Variants in ZNF410 observed in about 807,000 individuals in gnomAD.
ZNF410 encodes the protein another partner for ARF 1.
Under a neutral mutation model 54.8 loss-of-function variants are expected in ZNF410, and 18 were observed. The ratio of observed to expected loss-of-function variants is 0.33; its 90% CI spans 0.23 to 0.49. ZNF410 has a LOEUF of 0.49. ZNF410 is among the 20% of genes least tolerant of loss of function. The pLI, the probability that ZNF410 is intolerant of heterozygous loss-of-function variation, is 0.99. For missense variants in ZNF410, 405 were observed against 569.6 expected (o/e 0.71, Z 2.94); for synonymous variants, 191 against 207.3 (o/e 0.92, Z 0.68).
At chr14:73,910,493 C>G (rs1302837574) in intron 8 of ZNF410, among the ~76,000 whole-genome samples, 5 of 152,150 alleles carry the variant, frequency 3.3e-5, no homozygotes, top group Middle Eastern at 6.8e-3. Context: ...CCTGTAATCC[C>G]AACACTTTGG....
intron 2 of ZNF410, 112 bp from the exon 3 acceptor site, chr14:73,893,685 T>G: frequency 8.1e-7 from 1 of 1,232,060 alleles, no homozygotes; most frequent in South Asian, 2.1e-5. Context: ...AGTTTTTGTT[T>G]GAATATGGAT....
chr14:73,905,936 CAT>C (rs72062103), intron 7 of ZNF410, among the ~76,000 whole-genome samples: 14,994 of 131,332 alleles, frequency 0.11, 1,077 homozygotes, highest in Admixed American at 0.2. Flanking sequence ...CACATACATA[CAT>C]ATATATACAC....
chr14:73,916,609 A>C (rs949871290), intron 8 of ZNF410: 1 of 152,152 alleles, frequency 6.6e-6, no homozygotes, highest in African/African-American at 2.4e-5. Flanking sequence ...GGAATCAGCT[A>C]TTCCTCCATG....
chr14:73,907,951 A>G (rs1277272374), intron 7 of ZNF410, among the ~76,000 whole-genome samples: 3 of 152,224 alleles, frequency 2.0e-5, no homozygotes, highest in Non-Finnish European at 4.4e-5. Context: ...AGGGCTTACT[A>G]TGTGCCAGGC....
chr14:73,907,011 AAGTT>A (rs1156236316), intron 7 of ZNF410, among the ~76,000 whole-genome samples: 7 of 152,116 alleles, frequency 4.6e-5, no homozygotes, highest in African/African-American at 1.4e-4. Context: ...ATAATAATAA[AAGTT>A]AGCATTTGTT....
chr14:73,888,441 A>G (rs1224435084), intron 1 of ZNF410: 1 of 152,172 alleles, frequency 6.6e-6, no homozygotes, highest in Non-Finnish European at 1.5e-5. Context: ...GGAAGCTTGT[A>G]TGGAAGCCCT....
chr14:73,904,953 T>C lies in ZNF410; in HGVS notation c.783T>C (p.Tyr261=). ...CAGAAGGTTGTGGGAAAAGCTTCTATGTGCTGCAGAGGCTGAAGGTGCACA... is the reference window on the plus strand; with the variant it reads ...CAGAAGGTTGTGGGAAAAGCTTCTACGTGCTGCAGAGGCTGAAGGTGCACA... ...CPAEGCGKSF[Y]VLQRLKVHMR... The change falls in exon 7 of 12, where the codon TAT becomes TAC. Residue 261 remains tyrosine, a synonymous_variant. Transcript: ENST00000555044. The C allele has an allele frequency of 6.2e-7, 1 of 1,614,218 alleles. No individual in the cohort carries two copies. Among genetic ancestry groups the C allele is most frequent in the Non-Finnish European group, 8.5e-7 (1 of 1,180,032 alleles).
At chr14:73,930,638 C>T (rs1000820479) in intron 11 of ZNF410, among the ~76,000 whole-genome samples, 10 of 151,956 alleles carry the variant, frequency 6.6e-5, no homozygotes, top group Non-Finnish European at 1.2e-4. Context: ...CAGTCTGTCA[C>T]TCAGGCTGGA....
chr14:73,892,467 T>TA (rs2055246220), intron 2 of ZNF410, among the ~76,000 whole-genome samples: 1 of 151,258 alleles, frequency 6.6e-6, no homozygotes, highest in African/African-American at 2.4e-5. Context: ...TAAATAAAAA[T>TA]ATATGTTTAT....
chr14:73,927,085 T>C lies in ZNF410; in HGVS notation c.1398+3563T>C, dbSNP rs541502532. On this transcript the variant is annotated intron_variant, in intron 11 of 11. Transcript: ENST00000555044. ...ATTCTCTTGTTCCCTCTGTGTTTAT[T>C]ATGATTTTTTTTTTTTTTGAGGTGG... 8.7e-5 allele frequency: 13 copies of C among 149,516 alleles called. No individual in the cohort carries two copies. In the South Asian group the frequency reaches 1.5e-3, roughly 17 times the overall value. The allele number at this position is 149,516 out of a possible 1,614,324, so 9.3% of individuals were successfully genotyped here.
At chr14:73,891,270 T>G (rs956395393) in intron 1 of ZNF410, among the ~76,000 whole-genome samples, 2 of 152,234 alleles carry the variant, frequency 1.3e-5, no homozygotes, top group Admixed American at 6.5e-5. Context: ...CTAGTTTTAA[T>G]AATAGCAAGT....
intron 1 of ZNF410, among the ~76,000 whole-genome samples, chr14:73,889,865 C>T (rs368107551): frequency 2.0e-5 from 3 of 149,288 alleles, no homozygotes; most frequent in Non-Finnish European, 3.0e-5. Flanking sequence ...GGAGCGATCT[C>T]GGCTCACTGC....
intron 1 of ZNF410, among the ~76,000 whole-genome samples, chr14:73,890,899 A>G (rs2055219119): frequency 6.6e-6 from 1 of 151,812 alleles, no homozygotes; most frequent in Non-Finnish European, 1.5e-5. Flanking sequence ...AATCCCAGCT[A>G]CTCCAGGAGT....
chr14:73,904,872 A>G (rs543908506), intron 6 of ZNF410, 30 bp from the exon 7 acceptor site: 4 of 1,608,034 alleles, frequency 2.5e-6, no homozygotes, highest in Non-Finnish European at 3.4e-6. Context: ...GTGTTTTCAG[A>G]TATTTTTCCT....
chr14:73,899,178 C>T (rs1287364668), intron 5 of ZNF410, among the ~76,000 whole-genome samples: 1 of 151,484 alleles, frequency 6.6e-6, no homozygotes, highest in Non-Finnish European at 1.5e-5. Context: ...TTTTTGATTA[C>T]CATTCAAATG....
intron 8 of ZNF410, 62 bp downstream of exon 8, chr14:73,909,492 TG>T (rs2055543223): frequency 7.2e-7 from 1 of 1,392,808 alleles, no homozygotes; most frequent in Non-Finnish European, 1.0e-6. Flanking sequence ...AAAAGGGTTG[TG>T]GGGGTGATAT....
At chr14:73,910,753 CAAAAAA>C (rs755623044) in intron 8 of ZNF410, among the ~76,000 whole-genome samples, 1 of 70,838 alleles carries the variant, frequency 1.4e-5, no homozygotes, top group Non-Finnish European at 2.7e-5. Flanking sequence ...AACTCCGTCT[CAAAAAA>C]AAAAAAAAAA....
At position 73,898,161 on chromosome 14, in the gene ZNF410, G is replaced by A; in HGVS notation, c.479G>A (p.Ser160Asn). The A allele has an allele frequency of 1.2e-6, 2 of 1,614,202 alleles. No individual in the cohort carries two copies. Among genetic ancestry groups the A allele is most frequent in the Non-Finnish European group, 1.7e-6 (2 of 1,180,044 alleles). ...NDFLSSESTD[S>N]SIPWFLRVQE... is the part of the protein sequence containing the mutation. ...TTCCTCTCCAGTGAGAGCACAGACA[G>A]TAGCATTCCATGGTTCCTCCGGGTT... is the stretch of plus-strand genomic sequence containing the variant. Residue 160 changes from serine (S) to asparagine (N), a missense_variant, in exon 5 of 12, where the codon AGT becomes AAT. Ser to Asn is a conservative substitution (Grantham distance 46). Coordinates refer to ENST00000555044, the MANE Select transcript of ZNF410 (RefSeq NM_021188.3).
intron 9 of ZNF410, 148 bp downstream of exon 9, chr14:73,921,253 A>G: frequency 2.1e-6 from 2 of 953,612 alleles, no homozygotes; most frequent in Non-Finnish European, 3.0e-6. Context: ...GTTTCCAAAC[A>G]TAGCTATACA....
Sources: allele counts gnomAD v4.1 joint callset (sites outside exome capture counted in the v4.1 genomes callset), GRCh38; gene constraint gnomAD v4.1.1; transcripts MANE v1.5; gene names NCBI Gene and HGNC (gene_info 2026-07-23, HGNC 2026-07-21).